TG: variants seen among roughly 807,000 people sequenced by gnomAD.
TG encodes the protein thyroid hormones.
Under a neutral mutation model 324.7 loss-of-function variants are expected in TG, and 270 were observed. That is an observed-to-expected ratio of 0.83 (90% CI 0.75 to 0.92). TG has a LOEUF of 0.92. Ranked by LOEUF, TG falls within the 40% of genes least tolerant of loss-of-function variation. The pLI is 0.00. For missense variants in TG, 3,591 were observed against 3,456.4 expected (o/e 1.04, Z -0.98); for synonymous variants, 1,401 against 1,327.0 (o/e 1.06, Z -1.21).
chr8:132,932,664 G>A (rs1017067248), intron 23 of TG, among the ~76,000 whole-genome samples: 1 of 152,174 alleles, frequency 6.6e-6, no homozygotes, highest in Non-Finnish European at 1.5e-5. Flanking sequence ...ATATTACACA[G>A]TTGAATGCTT....
chr8:133,075,336 C>T (rs532944858), intron 41 of TG, among the ~76,000 whole-genome samples: 2 of 152,230 alleles, frequency 1.3e-5, no homozygotes, highest in African/African-American at 4.8e-5. Context: ...TCTCTGATTT[C>T]GGTTTCCCAA....
intron 43 of TG, among the ~76,000 whole-genome samples, chr8:133,104,023 G>A (rs1288315386): frequency 6.6e-6 from 1 of 152,228 alleles, no homozygotes; most frequent in African/African-American, 2.4e-5. Context: ...GTCAGAGAAG[G>A]CTTTTCGGAG....
chr8:132,893,903 A>G lies in TG; in HGVS notation c.2975A>G (p.Tyr992Cys). The change falls in exon 11 of 48, where the codon TAC becomes TGC. Residue 992 changes from tyrosine to cysteine, a missense_variant. Transcript: ENST00000220616. ...GAGCAGTTTCTGCGTGGGAGTGATT[A>G]CGCCATTCGCCTGGCGGCTCAGTCT... is the stretch of plus-strand genomic sequence containing the variant. ...FAEQFLRGSD[Y>C]AIRLAAQSTL... The G allele has an allele frequency of 6.2e-7, 1 of 1,614,002 alleles. No homozygotes were observed. The highest frequency in any genetic ancestry group is 8.5e-7 in the Non-Finnish European group (1 of 1,179,956).
chr8:132,973,811 GC>G (rs1196060116), intron 34 of TG, among the ~76,000 whole-genome samples: 4 of 152,086 alleles, frequency 2.6e-5, no homozygotes, highest in African/African-American at 9.7e-5. Flanking sequence ...TTAGAGAGAG[GC>G]TGAGCAGAGG....
intron 41 of TG, among the ~76,000 whole-genome samples, chr8:133,055,948 C>T (rs1340672261): frequency 6.6e-6 from 1 of 152,082 alleles, no homozygotes; most frequent in Non-Finnish European, 1.5e-5. Context: ...TCACGCCTCC[C>T]TGTGAGGTTG....
chr8:133,024,984 A>G (rs535994007), intron 40 of TG, among the ~76,000 whole-genome samples: 6 of 152,326 alleles, frequency 3.9e-5, no homozygotes, highest in Non-Finnish European at 7.3e-5. Context: ...ACAGGATTAT[A>G]AATTATTTTA....
chr8:133,113,775 C>G, intron 44 of TG, 172 bp downstream of exon 44: 1 of 772,686 alleles, frequency 1.3e-6, no homozygotes. Flanking sequence ...AGGGGAAGCC[C>G]TGGAGGACAT....
At position 132,888,595 on chromosome 8, in the gene TG, ATGTG is replaced by A. The variant is rs3832581; in HGVS notation, c.2761+51_2761+54del. The A allele has an allele frequency of 3.5e-3, 4,637 of 1,336,400 alleles. 90 individuals carry two copies. The African/African-American group carries it at 0.054, about 16-fold the overall frequency. The allele number at this position is 1,336,400 out of a possible 1,614,324, so 82.8% of individuals were successfully genotyped here. A position where few individuals can be genotyped will look rare whatever the true frequency, so the allele number is the denominator to read the frequency against. On this transcript the variant is annotated intron_variant, in intron 10 of 47. Coordinates refer to ENST00000220616, the MANE Select transcript of TG (RefSeq NM_003235.5). ...TGAGCTAACGCATATGAAGAGTTAA[ATGTG>A]TGTGTGTGTGTGTGTGTGTGTGTAT...
chr8:133,102,302 C>T (rs781499861), intron 43 of TG: 60 of 433,790 alleles, frequency 1.4e-4, no homozygotes, highest in Non-Finnish European at 2.2e-4. Flanking sequence ...CAGCTGGATC[C>T]CAGTCCACAA....
At chr8:133,049,201 G>C (rs768783017) in intron 41 of TG, 1 of 455,086 alleles carries the variant, frequency 2.2e-6, no homozygotes, top group South Asian at 1.6e-5. Context: ...GGAAAGCAGG[G>C]TGCTTATTTT....
intron 4 of TG, 81 bp from the exon 5 acceptor site, chr8:132,872,981 G>C: frequency 9.5e-6 from 14 of 1,467,988 alleles, no homozygotes; most frequent in Non-Finnish European, 1.2e-5. Context: ...ATTGCTAAGG[G>C]ACACGAGTGC....
At chr8:133,115,287 C>T (rs771434494) in intron 44 of TG, among the ~76,000 whole-genome samples, 6 of 152,196 alleles carry the variant, frequency 3.9e-5, no homozygotes, top group Non-Finnish European at 7.3e-5. Context: ...CTCTCTGGCA[C>T]AGACTCAGGA....
At chr8:132,932,004 A>C (rs1044804286) in intron 23 of TG, among the ~76,000 whole-genome samples, 11 of 152,180 alleles carry the variant, frequency 7.2e-5, no homozygotes, top group African/African-American at 2.4e-4. Flanking sequence ...TAAGGTGGGA[A>C]GATGGCTTGA....
At chr8:132,917,944 A>G (rs543870268) in intron 20 of TG, among the ~76,000 whole-genome samples, 5 of 142,650 alleles carry the variant, frequency 3.5e-5, no homozygotes, top group Non-Finnish European at 7.6e-5. Flanking sequence ...CCAGCTTAAT[A>G]TTAAGGAAGG....
chr8:133,109,987 T>G (rs1211473086), intron 43 of TG, among the ~76,000 whole-genome samples: 1 of 152,128 alleles, frequency 6.6e-6, no homozygotes, highest in African/African-American at 2.4e-5. Context: ...AGAAAGCCAC[T>G]CTCTCAAGTT....
At chr8:132,879,782 A>T (rs78330917) in intron 5 of TG, among the ~76,000 whole-genome samples, 5,981 of 152,204 alleles carry the variant, frequency 0.039, 274 homozygotes, top group African/African-American at 0.11. Flanking sequence ...TGCAAAAAAC[A>T]CTGGTAGGTC....
chr8:133,011,814 C>T lies in TG; in HGVS notation c.6263-87C>T, dbSNP rs1169164952. The stretch of plus-strand genomic sequence containing the variant: ...CAAGAGGAGGATGCCCCTAAGGCTG[C>T]CTTTGGGGATATTGGGTAATACACG... On this transcript the variant is annotated intron_variant, in intron 35 of 47. Coordinates refer to ENST00000220616, the MANE Select transcript of TG (RefSeq NM_003235.5). The T allele has an allele frequency of 1.9e-6, 3 of 1,586,204 alleles. 1 individual carries two copies. The highest frequency in any genetic ancestry group is 3.3e-5 in the Admixed American group (2 of 59,952).
At chr8:133,105,704 G>T (rs571489823) in intron 43 of TG, among the ~76,000 whole-genome samples, 2 of 152,258 alleles carry the variant, frequency 1.3e-5, no homozygotes, top group South Asian at 2.1e-4. Context: ...AGAGGAAATG[G>T]CCCCACCCCA....
chr8:132,877,714 G>T (rs1814030506), intron 5 of TG, among the ~76,000 whole-genome samples: 1 of 152,112 alleles, frequency 6.6e-6, no homozygotes, highest in South Asian at 2.1e-4. Context: ...TTGCCCCTCT[G>T]CTAGCATTTG....
Sources: allele counts gnomAD v4.1 joint callset (sites outside exome capture counted in the v4.1 genomes callset), GRCh38; gene constraint gnomAD v4.1.1; transcripts MANE v1.5; gene names NCBI Gene and HGNC (gene_info 2026-07-23, HGNC 2026-07-21).